Variants in MYO5A observed in about 807,000 individuals in gnomAD.
MYO5A encodes myosin VA.
In MYO5A, 98 loss-of-function variants were observed where a neutral mutation model predicts 249.7. The ratio of observed to expected loss-of-function variants is 0.39; its 90% CI spans 0.33 to 0.46. The LOEUF (loss-of-function observed/expected upper bound fraction) is 0.46. MYO5A is among the 20% of genes least tolerant of loss of function. The probability of loss-of-function intolerance (pLI) is 0.98; values close to 1 mark genes in which losing one functional copy is unlikely to be tolerated. For missense variants in MYO5A, 1,696 were observed against 2,308.8 expected (o/e 0.73, Z 5.44); for synonymous variants, 778 against 810.6 (o/e 0.96, Z 0.68).
chr15:52,387,696 A>T, intron 14 of MYO5A, 133 bp downstream of exon 14: 3 of 688,760 alleles, frequency 4.4e-6, no homozygotes, highest in Non-Finnish European at 7.5e-6. Flanking sequence ...AATTACTTTG[A>T]CTAACATACT....
At chr15:52,448,566 GGGA>G (rs1392585229) in intron 1 of MYO5A, among the ~76,000 whole-genome samples, 3 of 152,130 alleles carry the variant, frequency 2.0e-5, no homozygotes, top group Admixed American at 6.6e-5. Flanking sequence ...CATAAGATTT[GGGA>G]GGCGCCAGTG....
At chr15:52,363,732 T>C (rs1235005157) in intron 24 of MYO5A, among the ~76,000 whole-genome samples, 1 of 152,192 alleles carries the variant, frequency 6.6e-6, no homozygotes, top group Non-Finnish European at 1.5e-5. Flanking sequence ...TTGGGAACTC[T>C]TTGTTTCCTG....
chr15:52,510,213 C>G (rs928357542), intron 1 of MYO5A, among the ~76,000 whole-genome samples: 1 of 152,144 alleles, frequency 6.6e-6, no homozygotes. Flanking sequence ...ACTTAGAAAA[C>G]TTTAACTGCT....
At chr15:52,461,194 C>A (rs1160997993) in intron 1 of MYO5A, among the ~76,000 whole-genome samples, 1 of 152,144 alleles carries the variant, frequency 6.6e-6, no homozygotes. Flanking sequence ...CTCAAGCGAT[C>A]CTCCTACTTC....
At chr15:52,489,621 G>C (rs1464300754) in intron 1 of MYO5A, among the ~76,000 whole-genome samples, 1 of 149,598 alleles carries the variant, frequency 6.7e-6, no homozygotes, top group East Asian at 1.9e-4. Context: ...AGAGTGAAAA[G>C]GAAACCCACA....
At chr15:52,386,849 C>T (rs1298424188) in intron 14 of MYO5A, among the ~76,000 whole-genome samples, 3 of 152,022 alleles carry the variant, frequency 2.0e-5, no homozygotes, top group East Asian at 1.9e-4. Flanking sequence ...CACCTGGTCT[C>T]GACTTATTTT....
chr15:52,485,720 C>T (rs922792598), intron 1 of MYO5A, among the ~76,000 whole-genome samples: 3 of 152,066 alleles, frequency 2.0e-5, no homozygotes, highest in African/African-American at 7.2e-5. Context: ...ATAACATAAA[C>T]ATACACTTTT....
chr15:52,517,359 C>T (rs576312944), intron 1 of MYO5A, among the ~76,000 whole-genome samples: 1 of 152,144 alleles, frequency 6.6e-6, no homozygotes, highest in Non-Finnish European at 1.5e-5. Flanking sequence ...TTTGGTATAC[C>T]CAGATGACTG....
At chr15:52,364,055 G>A (rs2040681261) in intron 24 of MYO5A, among the ~76,000 whole-genome samples, 1 of 152,076 alleles carries the variant, frequency 6.6e-6, no homozygotes, top group Non-Finnish European at 1.5e-5. Context: ...TGGCCAACAT[G>A]GTGAAACCCC....
Position 52,330,775 on chromosome 15 carries a change from G to C in MYO5A, c.4409-276C>G, listed in dbSNP as rs558073551. 2.1e-4 allele frequency among the ~76,000 whole-genome samples: 32 copies of C among 151,998 alleles called. No individual in the cohort carries two copies. In the South Asian group the frequency reaches 6.0e-3, roughly 29 times the overall value. Reference sequence around the variant, plus strand: ...TCAAAACTTTTTTTTATGTAATAAGGCTTACTTTTTAATAAGATTAAATGT... The same window carrying C: ...TCAAAACTTTTTTTTATGTAATAAGCCTTACTTTTTAATAAGATTAAATGT... On this transcript the variant is annotated intron_variant, in intron 34 of 41. Transcript: ENST00000399233.
intron 1 of MYO5A, among the ~76,000 whole-genome samples, chr15:52,519,934 T>G (rs2077581744): frequency 6.6e-6 from 1 of 152,150 alleles, no homozygotes; most frequent in South Asian, 2.1e-4. Context: ...TTTCACCGTG[T>G]TAGCCAAGCT....
At chr15:52,418,736 AAGAGAGAAAGAGAGAGAGAC>A in intron 4 of MYO5A, among the ~76,000 whole-genome samples, 1 of 149,896 alleles carries the variant, frequency 6.7e-6, no homozygotes, top group South Asian at 2.2e-4. Context: ...GAGATAGAGA[AAGAGAGAAAGAGAGAGAGAC>A]AGAGAGAGAG....
intron 9 of MYO5A, among the ~76,000 whole-genome samples, chr15:52,403,045 T>A (rs372799556): frequency 6.6e-6 from 1 of 152,192 alleles, no homozygotes; most frequent in Non-Finnish European, 1.5e-5. Flanking sequence ...TAAGTACTAT[T>A]TCTCCAAGAT....
At chr15:52,402,731 G>C (rs181713409) in intron 9 of MYO5A, among the ~76,000 whole-genome samples, 39 of 152,224 alleles carry the variant, frequency 2.6e-4, no homozygotes, top group African/African-American at 9.4e-4. Context: ...TGTAATCCCA[G>C]CTACTCGGGA....
chr15:52,501,241 G>C (rs2077152849), intron 1 of MYO5A, among the ~76,000 whole-genome samples: 1 of 151,980 alleles, frequency 6.6e-6, no homozygotes, highest in African/African-American at 2.4e-5. Flanking sequence ...AAAGTGCTGG[G>C]ATTACAGGCG....
chr15:52,383,033 G>T (rs2041823432), intron 16 of MYO5A, 58 bp downstream of exon 16: 2 of 1,404,912 alleles, frequency 1.4e-6, no homozygotes, highest in Non-Finnish European at 2.0e-6. Context: ...TTGCTTGGCT[G>T]GTTTGGCACT....
intron 4 of MYO5A, 34 bp from the exon 5 acceptor site, chr15:52,416,335 C>G (rs370414614): frequency 5.2e-5 from 83 of 1,600,342 alleles, no homozygotes; most frequent in Non-Finnish European, 6.8e-5. Flanking sequence ...AAGTAACTGC[C>G]ATTGCTGCCT....
At chr15:52,521,121 G>A (rs549579580) in intron 1 of MYO5A, among the ~76,000 whole-genome samples, 12 of 151,884 alleles carry the variant, frequency 7.9e-5, no homozygotes, top group South Asian at 4.2e-4. Flanking sequence ...CCAGCTACTC[G>A]GGAGGCTGAG....
chr15:52,412,864 C>A (rs564272625), intron 5 of MYO5A, among the ~76,000 whole-genome samples: 3 of 152,234 alleles, frequency 2.0e-5, no homozygotes, highest in African/African-American at 7.2e-5. Context: ...AAAAGAACAA[C>A]TGGCTGGGTG....
Sources: gnomAD v4.1 joint callset for allele counts (sites outside exome capture counted in the v4.1 genomes callset) on GRCh38, gnomAD v4.1.1 for gene constraint, MANE v1.5 for transcripts, NCBI Gene and HGNC (gene_info 2026-07-23, HGNC 2026-07-21) for gene names.